Variants in SCHIP1 observed in about 807,000 individuals in gnomAD.
SCHIP1 encodes the protein schwannomin interacting protein 1.
SCHIP1 carries 8 observed loss-of-function variants against 29.7 expected under a neutral mutation model. The observed-to-expected ratio is 0.27, with a 90% CI of 0.16 to 0.49. SCHIP1 has a LOEUF of 0.49. Ranked by LOEUF, SCHIP1 falls within the 20% of genes least tolerant of loss-of-function variation. SCHIP1 has a pLI of 0.99. For synonymous variants in SCHIP1, 76 were observed against 94.9 expected, an observed-to-expected ratio of 0.80 and a Z score of 1.16; for missense variants, 193 against 294.6, an observed-to-expected ratio of 0.66 and a Z score of 2.52.
the SCHIP1 span, among the ~76,000 whole-genome samples, chr3:159,621,625 G>A: frequency 1.4e-4 from 21 of 151,698 alleles, no homozygotes; most frequent in African/African-American, 3.6e-4. Flanking sequence ...AGCAGAATGG[G>A]TGTGCATGTG....
chr3:159,593,732 C>A, the SCHIP1 span, among the ~76,000 whole-genome samples: 1 of 152,118 alleles, frequency 6.6e-6, no homozygotes, highest in Admixed American at 6.6e-5. Context: ...AAGAAGGGGA[C>A]CATGTTTGGA....
the SCHIP1 span, among the ~76,000 whole-genome samples, chr3:159,488,725 C>T: frequency 5.2e-4 from 79 of 152,180 alleles, no homozygotes; most frequent in African/African-American, 1.6e-3. Context: ...TGCCCCTTGG[C>T]GCCATCAAAG....
chr3:159,366,736 C>G, the SCHIP1 span, among the ~76,000 whole-genome samples: 6 of 152,192 alleles, frequency 3.9e-5, no homozygotes, highest in African/African-American at 1.2e-4. Flanking sequence ...CATCATCTCC[C>G]TGCCCACATC....
chr3:159,588,067 C>T, the SCHIP1 span, among the ~76,000 whole-genome samples: 4 of 152,200 alleles, frequency 2.6e-5, no homozygotes, highest in East Asian at 7.8e-4. Context: ...ATGGTTGAAC[C>T]AGTTTACAGT....
the SCHIP1 span, among the ~76,000 whole-genome samples, chr3:159,829,764 AG>A: frequency 4.6e-5 from 7 of 152,236 alleles, no homozygotes; most frequent in Non-Finnish European, 1.0e-4. Flanking sequence ...AGTTGCCCAG[AG>A]GCCCAGCTTG....
chr3:159,612,068 A>G, the SCHIP1 span, among the ~76,000 whole-genome samples: 1 of 152,180 alleles, frequency 6.6e-6, no homozygotes, highest in Non-Finnish European at 1.5e-5. Flanking sequence ...ACTGTACCCA[A>G]TAAAACTTAT....
the SCHIP1 span, among the ~76,000 whole-genome samples, chr3:159,732,658 CCAGGG>C: frequency 6.6e-6 from 1 of 152,104 alleles, no homozygotes; most frequent in Non-Finnish European, 1.5e-5. Context: ...TGAGGCATTT[CCAGGG>C]CAGGGCAGGG....
At chr3:159,444,596 A>G in the SCHIP1 span, among the ~76,000 whole-genome samples, 6 of 152,308 alleles carry the variant, frequency 3.9e-5, no homozygotes, top group African/African-American at 1.4e-4. Flanking sequence ...TCAGCCATGG[A>G]TCATACTCTG....
At chr3:159,447,218 G>T in the SCHIP1 span, among the ~76,000 whole-genome samples, 1 of 152,102 alleles carries the variant, frequency 6.6e-6, no homozygotes, top group African/African-American at 2.4e-5. Context: ...GAGGTAAAAA[G>T]ATCAACCTTG....
the SCHIP1 span, among the ~76,000 whole-genome samples, chr3:159,546,415 T>C: frequency 1.3e-5 from 2 of 152,168 alleles, no homozygotes; most frequent in African/African-American, 4.8e-5. Flanking sequence ...CCTAGTTTGC[T>C]AAGTTTTTTT....
intron 5 of SCHIP1, among the ~76,000 whole-genome samples, chr3:159,889,514 G>A (rs1032399682): frequency 6.6e-6 from 1 of 152,218 alleles, no homozygotes; most frequent in Non-Finnish European, 1.5e-5. Context: ...AGAATAGGCA[G>A]TTAGTTGCTT....
chr3:159,369,849 AAATC>A, the SCHIP1 span, among the ~76,000 whole-genome samples: 2 of 152,204 alleles, frequency 1.3e-5, no homozygotes, highest in Non-Finnish European at 2.9e-5. Context: ...AAATAAAAAG[AAATC>A]AATCAACTGG....
At chr3:159,740,754 G>T in the SCHIP1 span, among the ~76,000 whole-genome samples, 4 of 58,770 alleles carry the variant, frequency 6.8e-5, no homozygotes, top group Non-Finnish European at 1.2e-4. Flanking sequence ...AACCAGAATT[G>T]TATATTCAAA....
chr3:159,331,750 T>C, the SCHIP1 span, among the ~76,000 whole-genome samples: 3 of 152,192 alleles, frequency 2.0e-5, no homozygotes, highest in Non-Finnish European at 2.9e-5. Context: ...CTCTTGACTT[T>C]CTCTCTGCCT....
At chr3:159,395,472 C>T in the SCHIP1 span, among the ~76,000 whole-genome samples, 17 of 151,318 alleles carry the variant, frequency 1.1e-4, no homozygotes, top group South Asian at 2.3e-3. Context: ...TATAAATTTC[C>T]CTCTACACAC....
the SCHIP1 span, among the ~76,000 whole-genome samples, chr3:159,336,524 G>T: frequency 6.6e-6 from 1 of 152,116 alleles, no homozygotes; most frequent in Middle Eastern, 3.2e-3. Context: ...TTTTGTATAA[G>T]GTGTAAGGAA....
chr3:159,391,644 T>C, the SCHIP1 span, among the ~76,000 whole-genome samples: 1 of 152,332 alleles, frequency 6.6e-6, no homozygotes, highest in East Asian at 1.9e-4. Flanking sequence ...ATTGAATCAA[T>C]GAGCACATAG....
intron 2 of SCHIP1, among the ~76,000 whole-genome samples, chr3:159,877,621 G>A (rs973700452): frequency 2.0e-5 from 3 of 152,120 alleles, no homozygotes; most frequent in African/African-American, 4.8e-5. Context: ...TAAGATTTTC[G>A]CCTACTTCAG....
chr3:159,297,880 T>C, the SCHIP1 span, among the ~76,000 whole-genome samples: 1 of 152,184 alleles, frequency 6.6e-6, no homozygotes, highest in African/African-American at 2.4e-5. Context: ...CCATCCTGTG[T>C]AAATCAGCAG....
Sources: allele counts gnomAD v4.1 joint callset (sites outside exome capture counted in the v4.1 genomes callset), GRCh38; gene constraint gnomAD v4.1.1; transcripts MANE v1.5; gene names NCBI Gene and HGNC (gene_info 2026-07-23, HGNC 2026-07-21).